The following ACAP2 variants were observed in gnomAD, a reference collection of about 807,000 sequenced individuals.
The protein encoded by ACAP2 is ArfGAP with coiled-coil, ankyrin repeat and PH domains 2.
A neutral mutation model predicts 115.8 loss-of-function variants in ACAP2; 39 were observed. The observed-to-expected ratio is 0.34, with a 90% CI of 0.26 to 0.44. The LOEUF (loss-of-function observed/expected upper bound fraction) is 0.44, where lower values mean the gene tolerates loss of function less well. ACAP2 is among the 20% of genes least tolerant of loss of function. ACAP2 has a pLI of 1.00. For synonymous variants in ACAP2, 289 were observed against 315.8 expected, an observed-to-expected ratio of 0.92 and a Z score of 0.90; for missense variants, 662 against 927.6, an observed-to-expected ratio of 0.71 and a Z score of 3.72.
At chr3:195,313,076 A>G (rs1181648951) in intron 10 of ACAP2, 1 of 152,252 alleles carries the variant, frequency 6.6e-6, no homozygotes, top group East Asian at 1.9e-4. Flanking sequence ...TACGAAAATA[A>G]AGCAAGAATT....
Position 195,294,677 on chromosome 3 carries a change from A to G in ACAP2, c.1765+42T>C, listed in dbSNP as rs758099387. The G allele has an allele frequency of 3.5e-6, 4 of 1,142,798 alleles. No homozygotes were observed. In the East Asian group the frequency reaches 7.9e-5, roughly 23 times the overall value. 70.8% of individuals were successfully genotyped at this position (1,142,798 alleles called of 1,614,324 possible). On this transcript the variant is annotated intron_variant, in intron 18 of 22. Coordinates refer to ENST00000326793, the MANE Select transcript of ACAP2 (RefSeq NM_012287.6). ...TAAACATTTACCACATGCACTTTCCAGCAAACAAAACCAATTAACATTGAG... is the reference window on the plus strand; with the variant it reads ...TAAACATTTACCACATGCACTTTCCGGCAAACAAAACCAATTAACATTGAG...
chr3:195,288,656 G>A (rs568636080), intron 21 of ACAP2, among the ~76,000 whole-genome samples: 31 of 152,190 alleles, frequency 2.0e-4, no homozygotes, highest in Admixed American at 3.9e-4. Flanking sequence ...TCAGGAGTTC[G>A]AGACCAGCCT....
At position 195,295,787 on chromosome 3, in the gene ACAP2, A is replaced by G; in HGVS notation, c.1593T>C (p.Ser531=). Residue 531 remains serine, a synonymous_variant, in exon 17 of 23, where the codon TCT becomes TCC. Coordinates refer to ENST00000326793, the MANE Select transcript of ACAP2 (RefSeq NM_012287.6). The part of the protein sequence containing the change: ...SPPEQQKKFV[S]KSSEEKRLSI... ...TCAGCCTCTTTTCTTCAGAACTTTTAGAGACAAACTTTTTTTGCTGCTCAG... is the reference window on the plus strand; with the variant it reads ...TCAGCCTCTTTTCTTCAGAACTTTTGGAGACAAACTTTTTTTGCTGCTCAG... 4 of 1,614,132 alleles carry G rather than the reference A, an allele frequency of 2.5e-6. No individual in the cohort carries two copies. The highest frequency in any genetic ancestry group is 3.4e-6 in the Non-Finnish European group (4 of 1,180,002).
At chr3:195,315,389 G>A (rs1430608095) in intron 10 of ACAP2, among the ~76,000 whole-genome samples, 1 of 152,232 alleles carries the variant, frequency 6.6e-6, no homozygotes, top group Non-Finnish European at 1.5e-5. Flanking sequence ...TCAATAGCAT[G>A]TGAAAATGAT....
intron 4 of ACAP2, among the ~76,000 whole-genome samples, chr3:195,374,861 A>T (rs1259450973): frequency 1.3e-5 from 2 of 149,404 alleles, no homozygotes; most frequent in East Asian, 2.0e-4. Flanking sequence ...TTTTTTTTTT[A>T]AAGTTAAGTT....
chr3:195,401,971 G>GGAT (rs2108793296), intron 1 of ACAP2, among the ~76,000 whole-genome samples: 1 of 152,164 alleles, frequency 6.6e-6, no homozygotes, highest in African/African-American at 2.4e-5. Flanking sequence ...AAACCACCTG[G>GGAT]GATGGTAAAC....
chr3:195,371,079 T>C (rs1393897142), intron 4 of ACAP2, among the ~76,000 whole-genome samples: 1 of 152,150 alleles, frequency 6.6e-6, no homozygotes, highest in Non-Finnish European at 1.5e-5. Context: ...TTTTTTAAGG[T>C]TTTTTTCTAG....
chr3:195,339,953 G>T (rs1321742990), intron 6 of ACAP2, among the ~76,000 whole-genome samples: 1 of 151,636 alleles, frequency 6.6e-6, no homozygotes, highest in Non-Finnish European at 1.5e-5. Context: ...CAATAAATGC[G>T]TAAGTAGTCT....
At chr3:195,435,381 G>GTCTCTC (rs529671263) in intron 1 of ACAP2, among the ~76,000 whole-genome samples, 404 of 151,922 alleles carry the variant, frequency 2.7e-3, no homozygotes, top group African/African-American at 9.3e-3. Context: ...CACCATGTTG[G>GTCTCTC]TCTCTCAATC....
chr3:195,394,122 C>G (rs1045665680), intron 1 of ACAP2, among the ~76,000 whole-genome samples: 1 of 152,158 alleles, frequency 6.6e-6, no homozygotes, highest in African/African-American at 2.4e-5. Context: ...ACCATCTCCC[C>G]AAGACATGGT....
At chr3:195,347,664 A>C (rs1003782353) in intron 4 of ACAP2, among the ~76,000 whole-genome samples, 5 of 152,342 alleles carry the variant, frequency 3.3e-5, no homozygotes, top group African/African-American at 1.2e-4. Flanking sequence ...ATTAACTTAA[A>C]CATACAAATA....
chr3:195,384,367 T>A (rs1420819629), intron 2 of ACAP2, among the ~76,000 whole-genome samples: 2 of 152,232 alleles, frequency 1.3e-5, no homozygotes, highest in African/African-American at 4.8e-5. Context: ...ACAGTGCTAA[T>A]ATTTTTGTTG....
chr3:195,438,024 A>ATTTT (rs147925174), intron 1 of ACAP2, among the ~76,000 whole-genome samples: 3,053 of 111,492 alleles, frequency 0.027, 119 homozygotes, highest in East Asian at 0.24. Flanking sequence ...ACCTGCAAGA[A>ATTTT]TTTTCTTTTT....
chr3:195,372,158 C>T (rs1294605363), intron 4 of ACAP2, among the ~76,000 whole-genome samples: 1 of 152,088 alleles, frequency 6.6e-6, no homozygotes, highest in Non-Finnish European at 1.5e-5. Context: ...GAGCTACAGC[C>T]AGAATGCTGC....
At chr3:195,307,348 A>AT (rs766325027) in intron 11 of ACAP2, 25 bp from the exon 12 acceptor site, 10 of 1,495,564 alleles carry the variant, frequency 6.7e-6, no homozygotes, top group Non-Finnish European at 9.2e-6. Context: ...CCAAATTTCC[A>AT]TATTTTTCCA....
intron 4 of ACAP2, among the ~76,000 whole-genome samples, chr3:195,359,559 C>CG (rs1371215048): frequency 6.6e-6 from 1 of 152,188 alleles, no homozygotes; most frequent in Non-Finnish European, 1.5e-5. Flanking sequence ...GCTCTGCCTC[C>CG]GGGGTTCACG....
At chr3:195,384,169 G>A (rs1734134902) in intron 2 of ACAP2, among the ~76,000 whole-genome samples, 1 of 152,102 alleles carries the variant, frequency 6.6e-6, no homozygotes, top group Non-Finnish European at 1.5e-5. Context: ...TATGACACAT[G>A]TAAAGATATT....
intron 6 of ACAP2, among the ~76,000 whole-genome samples, chr3:195,341,202 C>T (rs1730841841): frequency 1.3e-5 from 2 of 151,972 alleles, no homozygotes; most frequent in Admixed American, 6.6e-5. Flanking sequence ...TCTCAAATAC[C>T]TTTGGAGACC....
chr3:195,301,513 A>G, intron 15 of ACAP2, 62 bp downstream of exon 15: 1 of 1,294,046 alleles, frequency 7.7e-7, no homozygotes, highest in African/African-American at 1.5e-5. Flanking sequence ...GTAAACCAAG[A>G]TTCTAAAATC....
Sources: allele counts gnomAD v4.1 joint callset (sites outside exome capture counted in the v4.1 genomes callset), GRCh38; gene constraint gnomAD v4.1.1; transcripts MANE v1.5; gene names NCBI Gene and HGNC (gene_info 2026-07-23, HGNC 2026-07-21).